Variants in COPG2 observed in about 807,000 individuals in gnomAD.
COPG2 encodes the protein coatomer subunit gamma-2.
In COPG2, 37 loss-of-function variants were observed where a neutral mutation model predicts 46.3. The ratio of observed to expected loss-of-function variants is 0.80; its 90% CI spans 0.61 to 1.05. The LOEUF is 1.05. Ranked by LOEUF, COPG2 falls within the 50% of genes least tolerant of loss-of-function variation. COPG2 has a pLI of 0.00. For synonymous variants in COPG2, 159 were observed against 129.7 expected, an observed-to-expected ratio of 1.23 and a Z score of -1.53; for missense variants, 427 against 387.8, an observed-to-expected ratio of 1.10 and a Z score of -0.85.
chr7:130,625,364 A>C (rs1554454118), intron 5 of COPG2, among the ~76,000 whole-genome samples: 1 of 152,194 alleles, frequency 6.6e-6, no homozygotes, highest in Non-Finnish European at 1.5e-5. Context: ...CTTCTTTGTT[A>C]ACTCATTCTT....
intron 9 of COPG2, among the ~76,000 whole-genome samples, chr7:130,566,696 G>A (rs1793809161): frequency 2.0e-5 from 3 of 152,138 alleles, no homozygotes; most frequent in South Asian, 4.1e-4. Flanking sequence ...TGCTGCCCGG[G>A]AGGATGTTGA....
chr7:130,649,090 C>A (rs537482074), intron 5 of COPG2, among the ~76,000 whole-genome samples: 1 of 152,298 alleles, frequency 6.6e-6, no homozygotes, highest in South Asian at 2.1e-4. Context: ...CAGATCTTGC[C>A]TAGATAATCC....
chr7:130,516,633 A>G (rs1359635368), intron 20 of COPG2, among the ~76,000 whole-genome samples: 1 of 152,182 alleles, frequency 6.6e-6, no homozygotes, highest in African/African-American at 2.4e-5. Flanking sequence ...TGCAGTGCAG[A>G]AAAACAACAG....
In COPG2 at chr7:130,657,946, G is replaced by A. The variant is rs953820999; in HGVS notation, c.244-4998C>T. 2.6e-5 allele frequency among the ~76,000 whole-genome samples: 4 copies of A among 152,198 alleles called. No individual in the cohort carries two copies. The South Asian group carries it at 6.2e-4, about 24-fold the overall frequency. On this transcript the variant is annotated intron_variant, in intron 4 of 23. Coordinates refer to ENST00000425248, the MANE Select transcript of COPG2 (RefSeq NM_012133.6). ...ACTGCTGCTCTCATACAGTGATGGCGGGAATGATTACAAATATTTTAGAAA... is the reference window on the plus strand; with the variant it reads ...ACTGCTGCTCTCATACAGTGATGGCAGGAATGATTACAAATATTTTAGAAA...
In COPG2 at chr7:130,507,360, T is replaced by C. The variant is rs782367793; in HGVS notation, c.2399A>G (p.Asn800Ser). ...CTGCATGCCCAGAAATGTGATGATA[T>C]TGTTGACAGCCTCTGTGTTGAGAAG... Reference protein sequence around the residue: ...STKTLEEAVNNIITFLGMQPC... With the variant: ...STKTLEEAVNSIITFLGMQPC... Residue 800 changes from asparagine to serine, a missense_variant, in exon 23 of 24, where the codon AAT becomes AGT. Physicochemically the swap from Asn to Ser is conservative, Grantham distance 46. Coordinates refer to ENST00000425248, the MANE Select transcript of COPG2 (RefSeq NM_012133.6). The C allele has an allele frequency of 2.6e-6, 2 of 780,644 alleles. No individual in the cohort carries two copies. The highest frequency in any genetic ancestry group is 3.4e-5 in the African/African-American group (2 of 59,220). The allele number at this position is 780,644 out of a possible 1,614,324, so 48.4% of individuals were successfully genotyped here. A position where few individuals can be genotyped will look rare whatever the true frequency, so the allele number is the denominator to read the frequency against.
chr7:130,631,852 T>C lies in COPG2; in HGVS notation c.324-14787A>G, dbSNP rs150582295. Among the ~76,000 whole-genome samples, 15 of 152,340 alleles carry C rather than the reference T, an allele frequency of 9.8e-5. No homozygotes were observed. The East Asian group carries it at 2.5e-3, about 25-fold the overall frequency. ...AGTATTCTTCATTTCTTTGCATAGATCCATATCTTCATTATCATTTTCATC... is the reference window on the plus strand; with the variant it reads ...AGTATTCTTCATTTCTTTGCATAGACCCATATCTTCATTATCATTTTCATC... On this transcript the variant is annotated intron_variant, in intron 5 of 23. Coordinates refer to ENST00000425248, the MANE Select transcript of COPG2 (RefSeq NM_012133.6).
chr7:130,589,092 A>G (rs1306402956), intron 9 of COPG2, among the ~76,000 whole-genome samples: 1 of 152,150 alleles, frequency 6.6e-6, no homozygotes, highest in Non-Finnish European at 1.5e-5. Context: ...AACATCCCAT[A>G]ATACAACTAA....
intron 5 of COPG2, among the ~76,000 whole-genome samples, chr7:130,648,460 A>C (rs1412813872): frequency 6.6e-6 from 1 of 152,198 alleles, no homozygotes; most frequent in East Asian, 1.9e-4. Context: ...TCATGGACTC[A>C]AAAATCTCAA....
intron 5 of COPG2, among the ~76,000 whole-genome samples, chr7:130,620,193 A>T (rs1011508677): frequency 2.6e-5 from 4 of 152,016 alleles, no homozygotes; most frequent in African/African-American, 9.7e-5. Flanking sequence ...AATTGCTTAA[A>T]TTTTTTTCTT....
chr7:130,509,449 G>A (rs1799560421), intron 20 of COPG2: 1 of 381,648 alleles, frequency 2.6e-6, no homozygotes, highest in Non-Finnish European at 5.1e-6. Context: ...AAAGCTTATA[G>A]GTACAAAAAA....
At chr7:130,583,320 G>C (rs1794191945) in intron 9 of COPG2, among the ~76,000 whole-genome samples, 1 of 137,024 alleles carries the variant, frequency 7.3e-6, no homozygotes, top group South Asian at 2.7e-4. Context: ...ACACAGGAAG[G>C]AGAATATCAC....
intron 5 of COPG2, among the ~76,000 whole-genome samples, chr7:130,619,128 T>A (rs369860054): frequency 1.0e-3 from 159 of 152,294 alleles, no homozygotes; most frequent in African/African-American, 3.6e-3. Flanking sequence ...TTGTTTCCTA[T>A]AAGGCAGTGT....
chr7:130,656,812 G>A (rs1324094602), intron 4 of COPG2, among the ~76,000 whole-genome samples: 1 of 151,870 alleles, frequency 6.6e-6, no homozygotes. Context: ...CTTGAATAAA[G>A]GGATATATAC....
intron 9 of COPG2, among the ~76,000 whole-genome samples, chr7:130,581,712 CAGAG>C (rs1405951472): frequency 7.3e-6 from 1 of 136,548 alleles, no homozygotes; most frequent in Non-Finnish European, 1.6e-5. Context: ...AACAGACAAA[CAGAG>C]AGCCAAATCA....
chr7:130,541,647 A>G (rs1474264543), intron 20 of COPG2, among the ~76,000 whole-genome samples: 4 of 152,004 alleles, frequency 2.6e-5, no homozygotes, highest in African/African-American at 9.7e-5. Flanking sequence ...AGTGTGAAAG[A>G]AAGGATGAGA....
chr7:130,612,099 A>T (rs782158059), intron 8 of COPG2, 53 bp downstream of exon 8: 28 of 1,278,178 alleles, frequency 2.2e-5, no homozygotes, highest in Non-Finnish European at 3.1e-5. Flanking sequence ...CCTACAATAC[A>T]GGTTTAAAGA....
At chr7:130,577,819 A>G (rs1554446500) in intron 9 of COPG2, among the ~76,000 whole-genome samples, 1 of 151,434 alleles carries the variant, frequency 6.6e-6, no homozygotes, top group Non-Finnish European at 1.5e-5. Flanking sequence ...CCACGAGATT[A>G]CATCCCGCAC....
chr7:130,668,211 C>G (rs1796128788), intron 1 of COPG2, among the ~76,000 whole-genome samples: 1 of 152,144 alleles, frequency 6.6e-6, no homozygotes, highest in Non-Finnish European at 1.5e-5. Context: ...CCTGAACGTT[C>G]CTCCACACAC....
intron 20 of COPG2, among the ~76,000 whole-genome samples, chr7:130,522,147 A>G (rs904650636): frequency 4.9e-4 from 75 of 152,316 alleles, no homozygotes; most frequent in Admixed American, 1.7e-3. Context: ...AGGGGCTTCA[A>G]AGTGTCAAAG....
Sources: gnomAD v4.1 joint callset for allele counts (sites outside exome capture counted in the v4.1 genomes callset) on GRCh38, gnomAD v4.1.1 for gene constraint, MANE v1.5 for transcripts, NCBI Gene and HGNC (gene_info 2026-07-23, HGNC 2026-07-21) for gene names.